OR51B5: variants seen among roughly 807,000 people sequenced by gnomAD.
OR51B5 encodes olfactory receptor 51B5.
For missense variants in OR51B5, 456 were observed against 374.6 expected, an observed-to-expected ratio of 1.22 and a Z score of -1.79; for synonymous variants, 186 against 144.8, an observed-to-expected ratio of 1.28 and a Z score of -2.04.
chr11:5,479,629 G>C (rs1421506322), intron 1 of OR51B5, among the ~76,000 whole-genome samples: 1 of 152,052 alleles, frequency 6.6e-6, no homozygotes, highest in Non-Finnish European at 1.5e-5. Context: ...CTCATGTGCA[G>C]AGACACACGT....
chr11:5,363,997 G>T (rs1849327475), intron 1 of OR51B5, among the ~76,000 whole-genome samples: 1 of 152,140 alleles, frequency 6.6e-6, no homozygotes, highest in Non-Finnish European at 1.5e-5. Flanking sequence ...GGAGAACAGG[G>T]CTTCACAACA....
intron 1 of OR51B5, among the ~76,000 whole-genome samples, chr11:5,500,999 T>C (rs1247608378): frequency 2.0e-5 from 3 of 148,384 alleles, no homozygotes; most frequent in African/African-American, 7.3e-5. Flanking sequence ...CTTGTCTGAA[T>C]GGGAAGAAGT....
intron 1 of OR51B5, chr11:5,389,777 C>G (rs1387767080): frequency 6.2e-7 from 1 of 1,613,972 alleles, no homozygotes; most frequent in South Asian, 1.1e-5. Flanking sequence ...GTCCTCAGTG[C>G]TCCTCATGAT....
intron 1 of OR51B5, among the ~76,000 whole-genome samples, chr11:5,476,705 T>G (rs1851311251): frequency 6.6e-6 from 1 of 152,256 alleles, no homozygotes; most frequent in African/African-American, 2.4e-5. Context: ...TATGTGAGTT[T>G]CATCTTCTGT....
intron 1 of OR51B5, among the ~76,000 whole-genome samples, chr11:5,361,860 G>A (rs2736554): frequency 0.38 from 57,136 of 151,836 alleles, 10,997 homozygotes; most frequent in Non-Finnish European, 0.41. Context: ...TGCTCTCTTC[G>A]GGCTGCATAA....
intron 1 of OR51B5, among the ~76,000 whole-genome samples, chr11:5,434,549 G>A (rs371398093): frequency 1.3e-5 from 2 of 152,236 alleles, no homozygotes; most frequent in East Asian, 1.9e-4. Context: ...CTCTCCTGAA[G>A]ATCCTGACCT....
upstream of OR51B5, chr11:5,343,648 T>C: frequency 7.2e-6 from 4 of 556,402 alleles, no homozygotes; most frequent in Non-Finnish European, 1.3e-5. Context: ...AATAATGACA[T>C]CAATATAAGT....
chr11:5,352,712 T>TGTTTGA (rs1849118490), intron 1 of OR51B5, among the ~76,000 whole-genome samples: 2 of 151,870 alleles, frequency 1.3e-5, no homozygotes, highest in Non-Finnish European at 2.9e-5. Flanking sequence ...TAACTCACAT[T>TGTTTGA]GTTTGATTAG....
chr11:5,500,487 A>G (rs1176311470), intron 1 of OR51B5, among the ~76,000 whole-genome samples: 1 of 123,122 alleles, frequency 8.1e-6, no homozygotes, highest in African/African-American at 2.5e-5. Flanking sequence ...ATGGAGCCAG[A>G]AGATCCATTT....
chr11:5,364,112 G>A (rs554525988), intron 1 of OR51B5, among the ~76,000 whole-genome samples: 5 of 152,284 alleles, frequency 3.3e-5, no homozygotes, highest in South Asian at 4.1e-4. Context: ...TTCAATAAAG[G>A]AAGAGGTATC....
chr11:5,429,374 A>G (rs1478702141), intron 1 of OR51B5, among the ~76,000 whole-genome samples: 4 of 152,214 alleles, frequency 2.6e-5, no homozygotes, highest in African/African-American at 7.2e-5. Flanking sequence ...GTATTTCAAA[A>G]AAGTCACAGA....
chr11:5,341,887 C>G (rs1848900726), downstream of OR51B5, among the ~76,000 whole-genome samples: 1 of 152,134 alleles, frequency 6.6e-6, no homozygotes, highest in South Asian at 2.1e-4. Flanking sequence ...CTGACTGTGT[C>G]TACGTCCTCT....
At chr11:5,404,917 G>A (rs1273620395) in intron 1 of OR51B5, among the ~76,000 whole-genome samples, 2 of 152,260 alleles carry the variant, frequency 1.3e-5, no homozygotes, top group East Asian at 3.9e-4. Flanking sequence ...AGACACATCT[G>A]AACATCTGAA....
At chr11:5,471,820 A>G (rs1017361877) in intron 1 of OR51B5, among the ~76,000 whole-genome samples, 1 of 152,108 alleles carries the variant, frequency 6.6e-6, no homozygotes, top group Non-Finnish European at 1.5e-5. Context: ...TAGCTTCCTC[A>G]CGTCTTATTT....
At chr11:5,352,507 C>G (rs886957520) in intron 1 of OR51B5, 1 of 1,061,484 alleles carries the variant, frequency 9.4e-7, no homozygotes, top group Non-Finnish European at 1.4e-6. Flanking sequence ...ACAATGTTGC[C>G]AGCATAAGTA....
chr11:5,378,169 T>C (rs1343261606), intron 1 of OR51B5, among the ~76,000 whole-genome samples: 1 of 151,918 alleles, frequency 6.6e-6, no homozygotes, highest in Admixed American at 6.6e-5. Context: ...TATCTACAAC[T>C]ATCTGATCTT....
At chr11:5,477,298 T>G (rs992495832) in intron 1 of OR51B5, among the ~76,000 whole-genome samples, 7 of 152,066 alleles carry the variant, frequency 4.6e-5, no homozygotes, top group Admixed American at 2.6e-4. Flanking sequence ...AGAGAAACAC[T>G]TATCCCTTGA....
downstream of OR51B5, among the ~76,000 whole-genome samples, chr11:5,342,265 T>C (rs746518133): frequency 3.9e-5 from 6 of 152,094 alleles, no homozygotes; most frequent in Non-Finnish European, 8.8e-5. Context: ...TGTTCCTATC[T>C]GCTAACTTTA....
At chr11:5,373,895 G>C (rs1487659764) in intron 1 of OR51B5, among the ~76,000 whole-genome samples, 2 of 152,036 alleles carry the variant, frequency 1.3e-5, no homozygotes, top group African/African-American at 4.8e-5. Context: ...TCCACCTTTG[G>C]GGGCAGGGCA....
Sources: allele counts gnomAD v4.1 joint callset (sites outside exome capture counted in the v4.1 genomes callset), GRCh38; gene constraint gnomAD v4.1.1; transcripts MANE v1.5; gene names NCBI Gene and HGNC (gene_info 2026-07-23, HGNC 2026-07-21).